The following MED15 variants were observed in gnomAD, a reference collection of about 807,000 sequenced individuals.
The protein encoded by MED15 is mediator of RNA polymerase II transcription subunit 15.
In MED15, 41 loss-of-function variants were observed where a neutral mutation model predicts 118.7. That is an observed-to-expected ratio of 0.35 (90% CI 0.27 to 0.45). The LOEUF is 0.45. Among genes scored for constraint, MED15 ranks in the 20% least tolerant of loss-of-function variants. The probability of loss-of-function intolerance (pLI) is 1.00; values close to 1 mark genes in which losing one functional copy is unlikely to be tolerated. For missense variants in MED15, 740 were observed against 1,025.5 expected (o/e 0.72, Z 3.80); for synonymous variants, 436 against 413.9 (o/e 1.05, Z -0.65).
rs1162683131 is a variant in MED15 at position 20,544,371 on chromosome 22, G to T, written c.157-7065G>T. On this transcript the variant is annotated intron_variant, in intron 2 of 17. Transcript: ENST00000263205. Reference sequence around the variant, plus strand: ...TTACTACAAGCTTGGTGGCTTAAAAGAACAGAAATTTAGGCCGGGTGCGGT... The same window carrying T: ...TTACTACAAGCTTGGTGGCTTAAAATAACAGAAATTTAGGCCGGGTGCGGT... 3.3e-5 allele frequency among the ~76,000 whole-genome samples: 5 copies of T among 152,034 alleles called. No individual in the cohort carries two copies. In the East Asian group the frequency reaches 7.7e-4, roughly 23 times the overall value.
At chr22:20,586,340 G>A (rs575704268) in intron 17 of MED15, among the ~76,000 whole-genome samples, 6 of 152,130 alleles carry the variant, frequency 3.9e-5, no homozygotes, top group Admixed American at 2.6e-4. Flanking sequence ...AGCCAGGCTG[G>A]GTCCCCAAGG....
At position 20,564,481 on chromosome 22, in the gene MED15, GCAGCAGCAGCAA is replaced by G; in HGVS notation, c.493_504del (p.Gln165_Gln168del). The G allele has an allele frequency of 6.2e-7, 1 of 1,612,492 alleles. No individual in the cohort carries two copies. Among genetic ancestry groups the G allele is most frequent in the Non-Finnish European group, 8.5e-7 (1 of 1,179,176 alleles). ...TGCAGCTCCAGCAGGTGGCGCTGCA[GCAGCAGCAGCAA>G]CAGCAGCAGTTCCAGCAGCAGCAGC... On this transcript the variant is annotated inframe_deletion, in exon 6 of 18. Coordinates refer to ENST00000263205, the MANE Select transcript of MED15 (RefSeq NM_001003891.3).
intron 1 of MED15, among the ~76,000 whole-genome samples, chr22:20,509,471 C>T (rs955126048): frequency 1.3e-5 from 2 of 151,376 alleles, no homozygotes; most frequent in Non-Finnish European, 2.9e-5. Flanking sequence ...ATGACCTAGT[C>T]GGGCGGGAGA....
At chr22:20,542,301 G>C (rs2055344381) in intron 2 of MED15, among the ~76,000 whole-genome samples, 1 of 152,072 alleles carries the variant, frequency 6.6e-6, no homozygotes, top group South Asian at 2.1e-4. Context: ...ATCATAAATA[G>C]CCAAAAATGG....
intron 9 of MED15, chr22:20,582,398 C>T: frequency 1.4e-6 from 1 of 730,206 alleles, no homozygotes; most frequent in Non-Finnish European, 2.2e-6. Flanking sequence ...GCTGCCCTGC[C>T]TGGGCCCCCC....
chr22:20,566,412 C>T, intron 6 of MED15, 55 bp from the exon 7 acceptor site: 2 of 1,594,458 alleles, frequency 1.3e-6, no homozygotes, highest in South Asian at 2.2e-5. Context: ...CAGGGAGGAG[C>T]TGGTGCCACA....
intron 1 of MED15, among the ~76,000 whole-genome samples, chr22:20,531,177 C>T (rs543738052): frequency 2.5e-4 from 27 of 108,852 alleles, no homozygotes; most frequent in South Asian, 8.9e-4. Context: ...TGTGCTCCTT[C>T]CCTAGGAAGC....
In MED15 at chr22:20,582,619, G is replaced by A. The variant is rs2057021612; in HGVS notation, c.1281G>A (p.Gln427=). 2 of 1,556,846 alleles carry A rather than the reference G, an allele frequency of 1.3e-6. No homozygotes were observed. Among genetic ancestry groups the A allele is most frequent in the South Asian group, 2.3e-5 (2 of 86,118 alleles). The part of the protein sequence containing the change: ...LGRQPMAQVS[Q]SSLPMLSSPS... ...AGCCCCTCCACTTCCAGGTCAGCCA[G>A]AGCAGCCTCCCCATGCTGTCCTCGC... is the stretch of plus-strand genomic sequence containing the variant. The change falls in exon 10 of 18, where the codon CAG becomes CAA. Residue 427 remains glutamine, a synonymous_variant. Coordinates refer to ENST00000263205, the MANE Select transcript of MED15 (RefSeq NM_001003891.3).
intron 2 of MED15, chr22:20,551,210 C>T: frequency 2.9e-6 from 2 of 680,366 alleles, no homozygotes; most frequent in Non-Finnish European, 5.5e-6. Flanking sequence ...CCGTTGGAGG[C>T]TCTCTGTCCC....
At chr22:20,519,603 C>T (rs1249585215) in intron 1 of MED15, among the ~76,000 whole-genome samples, 2 of 152,044 alleles carry the variant, frequency 1.3e-5, no homozygotes, top group Non-Finnish European at 2.9e-5. Context: ...TACAGGCCTG[C>T]ACCACCACAC....
chr22:20,508,151 A>G, intron 1 of MED15: 1 of 1,220,930 alleles, frequency 8.2e-7, no homozygotes. Flanking sequence ...TCAACGGTGA[A>G]AGAAAGTGAT....
intron 2 of MED15, among the ~76,000 whole-genome samples, chr22:20,539,469 T>G (rs1159416593): frequency 2.6e-5 from 4 of 152,260 alleles, no homozygotes; most frequent in Non-Finnish European, 4.4e-5. Flanking sequence ...TCACATATTT[T>G]ATAGCCATTC....
chr22:20,586,992 C>G lies in MED15; in HGVS notation c.*288C>G, dbSNP rs1159023229. On this transcript the variant is annotated 3_prime_UTR_variant, in exon 18 of 18. Coordinates refer to ENST00000263205, the MANE Select transcript of MED15 (RefSeq NM_001003891.3). ...GATCCTCAGGCTGCTCTCACCGTGG[C>G]CTGTCCACGGTCCAGGTCCATCTCA... The G allele has an allele frequency of 2.0e-6, 1 of 510,044 alleles. No individual in the cohort carries two copies. The highest frequency in any genetic ancestry group is 3.3e-5 in the East Asian group (1 of 30,210). 31.6% of individuals were successfully genotyped at this position (510,044 alleles called of 1,614,324 possible). A position where few individuals can be genotyped will look rare whatever the true frequency, so the allele number is the denominator to read the frequency against.
At chr22:20,509,046 G>A (rs189633530) in intron 1 of MED15, among the ~76,000 whole-genome samples, 3 of 152,236 alleles carry the variant, frequency 2.0e-5, no homozygotes, top group Admixed American at 6.5e-5. Context: ...GTCCTAGAAA[G>A]ACAAGTAGGA....
chr22:20,544,183 T>G (rs1273285175), intron 2 of MED15, among the ~76,000 whole-genome samples: 1 of 152,144 alleles, frequency 6.6e-6, no homozygotes, highest in East Asian at 1.9e-4. Flanking sequence ...ACATCCGCAT[T>G]TCTACCCACA....
At chr22:20,551,322 T>G (rs759869744) in intron 2 of MED15, 114 bp from the exon 3 acceptor site, 1 of 948,472 alleles carries the variant, frequency 1.1e-6, no homozygotes, top group South Asian at 1.3e-5. Context: ...CGTCTGAATC[T>G]GCCTTGCAGG....
intron 5 of MED15, among the ~76,000 whole-genome samples, chr22:20,555,632 C>T (rs1002874435): frequency 4.6e-5 from 7 of 152,254 alleles, no homozygotes; most frequent in African/African-American, 1.2e-4. Flanking sequence ...CCTCTCCACA[C>T]GGCTGCTGTG....
intron 3 of MED15, among the ~76,000 whole-genome samples, chr22:20,552,097 G>A (rs151288814): frequency 3.9e-4 from 59 of 152,294 alleles, no homozygotes; most frequent in Non-Finnish European, 4.4e-5. Context: ...TGTGTGTTAC[G>A]TGGAAGTATG....
intron 2 of MED15, among the ~76,000 whole-genome samples, chr22:20,543,714 C>T (rs377518864): frequency 7.3e-5 from 11 of 151,612 alleles, no homozygotes; most frequent in African/African-American, 2.4e-4. Context: ...CCCACCACCA[C>T]GCCCGGCTAA....
Sources: allele counts gnomAD v4.1 joint callset (sites outside exome capture counted in the v4.1 genomes callset), GRCh38; gene constraint gnomAD v4.1.1; transcripts MANE v1.5; gene names NCBI Gene and HGNC (gene_info 2026-07-23, HGNC 2026-07-21).